The following CDH13 variants were observed in gnomAD, a reference collection of about 807,000 sequenced individuals.
The protein encoded by CDH13 is cadherin 13, also known as cadherin-13.
CDH13 carries 24 observed loss-of-function variants against 63.8 expected under a neutral mutation model. The ratio of observed to expected loss-of-function variants is 0.38; its 90% CI spans 0.27 to 0.53. The LOEUF is 0.53. Among genes scored for constraint, CDH13 ranks in the 20% least tolerant of loss-of-function variants. The pLI is 0.85. For missense variants in CDH13, 1,049 were observed against 903.1 expected (o/e 1.16, Z -2.07); for synonymous variants, 503 against 355.3 (o/e 1.42, Z -4.67).
chr16:83,650,228 T>C (rs1229867309), intron 8 of CDH13, among the ~76,000 whole-genome samples: 1 of 151,458 alleles, frequency 6.6e-6, no homozygotes, highest in African/African-American at 2.4e-5. Context: ...GGAAAAAAAA[T>C]ACCTTTCTTC....
intron 4 of CDH13, among the ~76,000 whole-genome samples, chr16:83,204,115 G>C (rs568101689): frequency 2.6e-5 from 4 of 152,194 alleles, no homozygotes; most frequent in Non-Finnish European, 5.9e-5. Flanking sequence ...CATGTCACAC[G>C]GAGTTCCGAT....
chr16:83,334,280 C>G (rs1390144336), intron 5 of CDH13, among the ~76,000 whole-genome samples: 1 of 151,428 alleles, frequency 6.6e-6, no homozygotes, highest in Non-Finnish European at 1.5e-5. Context: ...CTTTCTTCCT[C>G]CTTTCTCTCT....
At chr16:83,666,326 T>C (rs1461524923) in intron 8 of CDH13, among the ~76,000 whole-genome samples, 1 of 152,362 alleles carries the variant, frequency 6.6e-6, no homozygotes, top group East Asian at 1.9e-4. Context: ...AATTAAGGAA[T>C]AATGAGCTTC....
At chr16:83,228,821 G>A (rs1273045949) in intron 5 of CDH13, among the ~76,000 whole-genome samples, 3 of 152,150 alleles carry the variant, frequency 2.0e-5, no homozygotes, top group African/African-American at 7.2e-5. Flanking sequence ...AGGATTTTAG[G>A]CTGAAAGTGA....
intron 2 of CDH13, among the ~76,000 whole-genome samples, chr16:82,968,192 T>A (rs1372358270): frequency 6.6e-6 from 1 of 152,208 alleles, no homozygotes; most frequent in Non-Finnish European, 1.5e-5. Flanking sequence ...TATTTATTCT[T>A]GTGCGCCAAT....
At chr16:83,688,267 T>C (rs1904510954) in intron 10 of CDH13, among the ~76,000 whole-genome samples, 2 of 152,186 alleles carry the variant, frequency 1.3e-5, no homozygotes, top group African/African-American at 2.4e-5. Flanking sequence ...CTAAGACCTT[T>C]GGAAGAAAAA....
chr16:83,691,810 G>C (rs1433643009), intron 10 of CDH13, among the ~76,000 whole-genome samples: 1 of 152,054 alleles, frequency 6.6e-6, no homozygotes, highest in African/African-American at 2.4e-5. Flanking sequence ...ACACAGCCAG[G>C]CTAGGTTGGC....
intron 3 of CDH13, among the ~76,000 whole-genome samples, chr16:83,081,705 GAA>G (rs1049786010): frequency 2.8e-4 from 42 of 151,436 alleles, no homozygotes; most frequent in Middle Eastern, 3.4e-3. Context: ...GAGAGAGAGA[GAA>G]AGAGAGAGAG....
chr16:83,264,024 T>C (rs1290581658), intron 5 of CDH13, among the ~76,000 whole-genome samples: 7 of 152,248 alleles, frequency 4.6e-5, no homozygotes, highest in Non-Finnish European at 8.8e-5. Context: ...ACCCAACCTA[T>C]TGTGGCTCTA....
chr16:83,334,166 G>A (rs527529681), intron 5 of CDH13, among the ~76,000 whole-genome samples: 2 of 151,846 alleles, frequency 1.3e-5, no homozygotes, highest in African/African-American at 2.4e-5. Context: ...TCTGACCTTC[G>A]CTTCTTCCTC....
intron 6 of CDH13, among the ~76,000 whole-genome samples, chr16:83,420,786 C>T (rs1418330686): frequency 1.3e-5 from 2 of 152,176 alleles, no homozygotes; most frequent in East Asian, 3.8e-4. Flanking sequence ...AACAATGCAA[C>T]CTTCAGTCTG....
At chr16:82,638,190 C>T (rs1908922495) in intron 1 of CDH13, among the ~76,000 whole-genome samples, 2 of 152,136 alleles carry the variant, frequency 1.3e-5, no homozygotes, top group Admixed American at 1.3e-4. Context: ...CCTGGGAACC[C>T]AGAGGTGAAC....
intron 6 of CDH13, among the ~76,000 whole-genome samples, chr16:83,349,219 A>G (rs949976387): frequency 6.6e-6 from 1 of 152,222 alleles, no homozygotes; most frequent in African/African-American, 2.4e-5. Context: ...ATGAGGCCCA[A>G]GCCAAGGCTC....
At chr16:83,184,012 C>T (rs1486734538) in intron 4 of CDH13, among the ~76,000 whole-genome samples, 2 of 151,550 alleles carry the variant, frequency 1.3e-5, no homozygotes, top group African/African-American at 4.9e-5. Flanking sequence ...TAAGCCATAG[C>T]ACTGATTGTA....
chr16:83,264,408 A>T (rs979631308), intron 5 of CDH13, among the ~76,000 whole-genome samples: 1 of 152,114 alleles, frequency 6.6e-6, no homozygotes. Flanking sequence ...ATTTAACTTC[A>T]TCAATAACAT....
rs116415729 is a variant in CDH13, at chr16:82,709,656, A to G, written c.45+82519A>G. Among the ~76,000 whole-genome samples, 1,153 of 152,350 alleles carry G rather than the reference A, an allele frequency of 7.6e-3. 12 individuals carry two copies. The highest frequency in any genetic ancestry group is 0.026 in the African/African-American group (1,099 of 41,580). On this transcript the variant is annotated intron_variant, in intron 1 of 13. Transcript: ENST00000567109. Reference sequence around the variant, plus strand: ...CTGCGACATAGCAAGTGTTGGCTGAAGATAATTATTAGGACTTCACATGAG... The same window carrying G: ...CTGCGACATAGCAAGTGTTGGCTGAGGATAATTATTAGGACTTCACATGAG...
Position 83,553,486 on chromosome 16 carries a change from A to T in CDH13, c.961-48968A>T, listed in dbSNP as rs114315537. On this transcript the variant is annotated intron_variant, in intron 7 of 13. Coordinates refer to ENST00000567109, the MANE Select transcript of CDH13 (RefSeq NM_001257.5). The stretch of plus-strand genomic sequence containing the variant: ...AATATATACAACATTGTTTAGTTAC[A>T]TTCTTCCATGTAACTTTCATGAGCA... Among the ~76,000 whole-genome samples, 521 of 152,320 alleles carry T rather than the reference A, an allele frequency of 3.4e-3. 3 individuals carry two copies. Among genetic ancestry groups the T allele is most frequent in the African/African-American group, 0.012 (504 of 41,580 alleles).
intron 1 of CDH13, among the ~76,000 whole-genome samples, chr16:82,732,079 G>A (rs1893417209): frequency 6.6e-6 from 1 of 152,066 alleles, no homozygotes; most frequent in Non-Finnish European, 1.5e-5. Flanking sequence ...TTCCCTTTAT[G>A]CACATTTTTC....
chr16:83,302,308 A>G (rs2089768422), intron 5 of CDH13, among the ~76,000 whole-genome samples: 1 of 152,200 alleles, frequency 6.6e-6, no homozygotes, highest in African/African-American at 2.4e-5. Context: ...CTAAATCTGT[A>G]AAAGGGAATG....
Sources: allele counts gnomAD v4.1 joint callset (sites outside exome capture counted in the v4.1 genomes callset), GRCh38; gene constraint gnomAD v4.1.1; transcripts MANE v1.5; gene names NCBI Gene and HGNC (gene_info 2026-07-23, HGNC 2026-07-21).